The following AXDND1 variants were observed in gnomAD, a reference collection of about 807,000 sequenced individuals.
The protein encoded by AXDND1 is axonemal dynein light chain domain containing 1, also known as axonemal dynein light chain domain-containing protein 1.
In AXDND1, 110 loss-of-function variants were observed where a neutral mutation model predicts 137.5. The observed-to-expected ratio is 0.80, with a 90% confidence interval of 0.69 to 0.94. The LOEUF is 0.94. Among genes scored for constraint, AXDND1 ranks in the 40% least tolerant of loss-of-function variants. The probability of loss-of-function intolerance (pLI) is 0.00; values close to 1 mark genes in which losing one functional copy is unlikely to be tolerated. For synonymous variants in AXDND1, 414 were observed against 399.7 expected, an observed-to-expected ratio of 1.04 and a Z score of -0.43; for missense variants, 1,191 against 1,169.8, an observed-to-expected ratio of 1.02 and a Z score of -0.26.
intron 16 of AXDND1, chr1:179,450,441 G>A (rs988463089): frequency 3.3e-5 from 5 of 152,150 alleles, no homozygotes; most frequent in African/African-American, 4.8e-5. Flanking sequence ...AGTCTTTGCC[G>A]ATTAAGTGTG....
intron 16 of AXDND1, among the ~76,000 whole-genome samples, chr1:179,465,402 G>T (rs1424513102): frequency 6.6e-6 from 1 of 152,220 alleles, no homozygotes; most frequent in Non-Finnish European, 1.5e-5. Context: ...GACCCTGTTT[G>T]CCTGGGTATC....
intron 21 of AXDND1, among the ~76,000 whole-genome samples, chr1:179,511,393 G>GGGGTGTGTGTGT (rs146749734): frequency 6.9e-6 from 1 of 145,076 alleles, no homozygotes; most frequent in African/African-American, 2.5e-5. Flanking sequence ...TGGTATATGG[G>GGGGTGTGTGTGT]GTGTGTGTGT....
intron 4 of AXDND1, among the ~76,000 whole-genome samples, chr1:179,371,297 G>C (rs1009725926): frequency 6.6e-6 from 1 of 151,908 alleles, no homozygotes; most frequent in Admixed American, 6.6e-5. Context: ...GCGTGGTGGC[G>C]CACACCTGTA....
intron 15 of AXDND1, among the ~76,000 whole-genome samples, chr1:179,433,018 A>G (rs773769954): frequency 6.6e-6 from 1 of 152,114 alleles, no homozygotes; most frequent in Non-Finnish European, 1.5e-5. Context: ...TTTGGGTCAA[A>G]TTAAGTTAGG....
intron 18 of AXDND1, among the ~76,000 whole-genome samples, chr1:179,487,601 C>T (rs191553478): frequency 8.7e-5 from 13 of 148,638 alleles, no homozygotes; most frequent in Middle Eastern, 3.4e-3. Flanking sequence ...TCCTTCAATA[C>T]TAATTTTTAA....
intron 14 of AXDND1, among the ~76,000 whole-genome samples, chr1:179,431,464 TTTTGTTTG>T (rs151285259): frequency 5.9e-4 from 89 of 151,356 alleles, no homozygotes; most frequent in African/African-American, 1.9e-3. Context: ...TTTCTAAGGT[TTTTGTTTG>T]TTTGTTTGTT....
chr1:179,390,469 T>C (rs1368861569), intron 9 of AXDND1, among the ~76,000 whole-genome samples: 1 of 152,230 alleles, frequency 6.6e-6, no homozygotes, highest in Non-Finnish European at 1.5e-5. Context: ...ATAGTTGTCG[T>C]TTTACATGTT....
At chr1:179,475,779 A>C (rs1664536543) in intron 17 of AXDND1, among the ~76,000 whole-genome samples, 1 of 152,164 alleles carries the variant, frequency 6.6e-6, no homozygotes, top group African/African-American at 2.4e-5. Context: ...AAATTATATG[A>C]GATTTGGAAA....
intron 16 of AXDND1, chr1:179,457,276 G>A (rs1055335317): frequency 1.6e-5 from 11 of 666,808 alleles, no homozygotes; most frequent in African/African-American, 5.4e-5. Context: ...AAGCTCAACC[G>A]TCCAAGGAAG....
At chr1:179,460,091 G>A (rs141873786) in intron 16 of AXDND1, among the ~76,000 whole-genome samples, 3,623 of 148,436 alleles carry the variant, frequency 0.024, 157 homozygotes, top group African/African-American at 0.085. Flanking sequence ...TGTGCACAAC[G>A]TGCAGGTTTG....
At chr1:179,489,427 G>A (rs1666586131) in intron 18 of AXDND1, among the ~76,000 whole-genome samples, 1 of 152,080 alleles carries the variant, frequency 6.6e-6, no homozygotes, top group Non-Finnish European at 1.5e-5. Context: ...AATATTTTAT[G>A]TAAGCAAAAA....
Position 179,395,146 on chromosome 1 carries a change from A to C in AXDND1, c.1053A>C (p.Thr351=). The C allele has an allele frequency of 1.2e-6, 2 of 1,613,736 alleles. No homozygotes were observed. Among genetic ancestry groups the C allele is most frequent in the Non-Finnish European group, 1.7e-6 (2 of 1,179,856 alleles). ...ATGATGTGAAATTAACAAAGGAAAC[A>C]GAAAAAGCCCACAAGGATTTGGCAC... The part of the protein sequence containing the change: ...RAHDVKLTKE[T]EKAHKDLAQA... The change falls in exon 11 of 26, where the codon ACA becomes ACC. Residue 351 remains threonine (T), a synonymous_variant. Transcript: ENST00000367618.
intron 25 of AXDND1, among the ~76,000 whole-genome samples, chr1:179,541,562 T>C (rs1380898377): frequency 6.6e-6 from 1 of 151,858 alleles, no homozygotes; most frequent in East Asian, 1.9e-4. Flanking sequence ...TACTTGTGAG[T>C]AGACAAACAC....
chr1:179,465,255 A>G (rs370097661), intron 16 of AXDND1, among the ~76,000 whole-genome samples: 1 of 152,048 alleles, frequency 6.6e-6, no homozygotes, highest in Non-Finnish European at 1.5e-5. Context: ...TTGTGGTTTT[A>G]TCTACCTTTG....
intron 19 of AXDND1, among the ~76,000 whole-genome samples, chr1:179,492,158 C>G (rs1005557923): frequency 1.3e-5 from 2 of 152,144 alleles, no homozygotes; most frequent in African/African-American, 4.8e-5. Flanking sequence ...ACTGCAGCCT[C>G]CACCTCCCAG....
intron 6 of AXDND1, among the ~76,000 whole-genome samples, chr1:179,380,149 T>C (rs541356598): frequency 2.2e-4 from 34 of 151,792 alleles, no homozygotes; most frequent in Non-Finnish European, 4.1e-4. Context: ...CTTGGGAGGC[T>C]GAGGCAGGAG....
intron 20 of AXDND1, among the ~76,000 whole-genome samples, chr1:179,505,650 A>G (rs1221364421): frequency 6.6e-6 from 1 of 151,510 alleles, no homozygotes; most frequent in Non-Finnish European, 1.5e-5. Context: ...TCCATCTCAA[A>G]AAAAAAAAAA....
intron 12 of AXDND1, among the ~76,000 whole-genome samples, chr1:179,415,317 G>T (rs927992923): frequency 2.0e-5 from 3 of 152,066 alleles, no homozygotes; most frequent in Admixed American, 2.0e-4. Context: ...ACTCCAGCCT[G>T]GGCAACAGAG....
chr1:179,496,775 A>G (rs376975872), intron 20 of AXDND1, among the ~76,000 whole-genome samples: 10 of 152,100 alleles, frequency 6.6e-5, no homozygotes, highest in Admixed American at 4.6e-4. Context: ...CTGGTTTCTT[A>G]AAGTGTAGCT....
Sources: gnomAD v4.1 joint callset for allele counts (sites outside exome capture counted in the v4.1 genomes callset) on GRCh38, gnomAD v4.1.1 for gene constraint, MANE v1.5 for transcripts, NCBI Gene and HGNC (gene_info 2026-07-23, HGNC 2026-07-21) for gene names.